The following HAT1 variants were observed in gnomAD, a reference collection of about 807,000 sequenced individuals.
The protein encoded by HAT1 is histone acetyltransferase 1.
HAT1 carries 20 observed loss-of-function variants against 56.6 expected under a neutral mutation model. The observed-to-expected ratio is 0.35, with a 90% CI of 0.25 to 0.51. HAT1 has a LOEUF of 0.51. HAT1 is among the 20% of genes least tolerant of loss of function. The pLI is 0.95. For missense variants in HAT1, 408 were observed against 504.3 expected (o/e 0.81, Z 1.83); for synonymous variants, 146 against 165.5 (o/e 0.88, Z 0.91).
intron 4 of HAT1, among the ~76,000 whole-genome samples, chr2:171,955,637 TAAAG>T (rs1687421031): frequency 6.6e-6 from 1 of 151,150 alleles, no homozygotes; most frequent in Non-Finnish European, 1.5e-5. Context: ...AATAAATAAA[TAAAG>T]GAAATAATGG....
At chr2:171,977,713 A>G (rs1688024787) in intron 9 of HAT1, among the ~76,000 whole-genome samples, 1 of 151,320 alleles carries the variant, frequency 6.6e-6, no homozygotes, top group Admixed American at 6.6e-5. Context: ...ACTTTGCCAC[A>G]TGCTCTGGCT....
Position 171,976,237 on chromosome 2 carries a change from C to A in HAT1, c.904C>A (p.Arg302=). 1 of 1,590,160 alleles carries A rather than the reference C, an allele frequency of 6.3e-7. No homozygotes were observed. The highest frequency in any genetic ancestry group is 1.2e-5 in the South Asian group (1 of 86,902). Residue 302 remains arginine, a synonymous_variant, in exon 9 of 11, where the codon CGG becomes AGG. Coordinates refer to ENST00000264108, the MANE Select transcript of HAT1 (RefSeq NM_003642.4). ...TTGTCAAGATTTGCCCTGTTTTTCC[C>A]GGGAAAAATTAATGCAAGGATTCAA... The part of the protein sequence containing the change: ...KLCQDLPCFS[R]EKLMQGFNED...
intron 9 of HAT1, among the ~76,000 whole-genome samples, chr2:171,977,676 G>A (rs997602156): frequency 6.7e-6 from 1 of 149,292 alleles, no homozygotes; most frequent in African/African-American, 2.5e-5. Flanking sequence ...GCTTCAGCCT[G>A]TTAGTACTTT....
intron 8 of HAT1, among the ~76,000 whole-genome samples, chr2:171,970,022 G>T (rs1191357222): frequency 6.6e-6 from 1 of 152,178 alleles, no homozygotes; most frequent in South Asian, 2.1e-4. Flanking sequence ...TGGATATGGT[G>T]TCACACACCT....
intron 2 of HAT1, among the ~76,000 whole-genome samples, chr2:171,930,950 A>T (rs1686731258): frequency 6.6e-6 from 1 of 151,704 alleles, no homozygotes; most frequent in South Asian, 2.1e-4. Flanking sequence ...ATTATTTCAG[A>T]TTTCCTGCAC....
In HAT1 at chr2:171,965,916, C is replaced by T; in HGVS notation, c.611+8C>T. 2 of 1,611,400 alleles carry T rather than the reference C, an allele frequency of 1.2e-6. No homozygotes were observed. Among genetic ancestry groups the T allele is most frequent in the Non-Finnish European group, 1.7e-6 (2 of 1,178,018 alleles). On this transcript the variant is annotated splice_region_variant and intron_variant, in intron 6 of 10. Coordinates refer to ENST00000264108, the MANE Select transcript of HAT1 (RefSeq NM_003642.4). Reference sequence around the variant, plus strand: ...ATGGCACTACTTTCTAGTGTAAGTACAGTTCTAAAGCAACAGTAGACCTTA... The same window carrying T: ...ATGGCACTACTTTCTAGTGTAAGTATAGTTCTAAAGCAACAGTAGACCTTA...
rs745928896 is a variant in HAT1, at chr2:171,965,811, C to G, written c.514C>G (p.Arg172Gly). ...GGCTGACATGACATGTAGAGGCTTT[C>G]GAGAATATCATGAAAGGCTTCAGAC... ...YKADMTCRGF[R>G]EYHERLQTFL... The change falls in exon 6 of 11, where the codon CGA (arginine) becomes GGA (glycine). Residue 172 changes from arginine (R) to glycine (G), a missense_variant. Physicochemically the swap from Arg to Gly is moderately radical, Grantham distance 125 (BLOSUM62 -2). Transcript: ENST00000264108. 15 of 1,612,988 alleles carry G rather than the reference C, an allele frequency of 9.3e-6. No homozygotes were observed. The highest frequency in any genetic ancestry group is 1.3e-5 in the Non-Finnish European group (15 of 1,179,308).
intron 4 of HAT1, among the ~76,000 whole-genome samples, chr2:171,953,497 A>G (rs1687362677): frequency 6.6e-6 from 1 of 151,504 alleles, no homozygotes. Context: ...TGGACAACAT[A>G]GTGAGACCCT....
At chr2:171,974,209 A>AG (rs1221965136) in intron 8 of HAT1, among the ~76,000 whole-genome samples, 1 of 66,014 alleles carries the variant, frequency 1.5e-5, no homozygotes, top group Non-Finnish European at 3.3e-5. Context: ...AAGAAAAAGA[A>AG]AAAAAAAAAA....
chr2:171,942,412 G>A (rs1232904910), intron 2 of HAT1, among the ~76,000 whole-genome samples: 1 of 151,898 alleles, frequency 6.6e-6, no homozygotes, highest in Non-Finnish European at 1.5e-5. Flanking sequence ...TTTTTATTAT[G>A]TATTCATTTC....
intron 4 of HAT1, 79 bp downstream of exon 4, chr2:171,953,080 C>A: frequency 1.1e-6 from 1 of 919,358 alleles, no homozygotes; most frequent in Non-Finnish European, 1.6e-6. Flanking sequence ...TGCGGTGGCT[C>A]ACACCTGTAA....
intron 3 of HAT1, among the ~76,000 whole-genome samples, chr2:171,948,609 C>T (rs1342124300): frequency 1.3e-5 from 2 of 152,198 alleles, no homozygotes; most frequent in African/African-American, 2.4e-5. Context: ...CAATTTTCTC[C>T]AATCCTGGAT....
intron 2 of HAT1, among the ~76,000 whole-genome samples, chr2:171,943,473 T>A (rs1231846616): frequency 6.7e-6 from 1 of 149,340 alleles, no homozygotes. Flanking sequence ...TCACTCTGCT[T>A]TTTCAAGTCT....
At chr2:171,934,762 T>TG (rs1042984533) in intron 2 of HAT1, among the ~76,000 whole-genome samples, 10 of 151,216 alleles carry the variant, frequency 6.6e-5, no homozygotes, top group Admixed American at 5.3e-4. Context: ...GGGTTTTTTT[T>TG]TTTTTTTTTT....
At chr2:171,939,091 C>T (rs1307172284) in intron 2 of HAT1, among the ~76,000 whole-genome samples, 1 of 152,110 alleles carries the variant, frequency 6.6e-6, no homozygotes, top group Non-Finnish European at 1.5e-5. Flanking sequence ...GCAGTTGACC[C>T]TATTCCAGCA....
intron 2 of HAT1, among the ~76,000 whole-genome samples, chr2:171,925,931 G>A (rs1686578076): frequency 6.6e-6 from 1 of 152,114 alleles, no homozygotes; most frequent in African/African-American, 2.4e-5. Flanking sequence ...TTTTTTGCCT[G>A]TAAGAATAAT....
At chr2:171,938,024 T>TTCTCTCTCTCTCTCTCTCTC (rs374402453) in intron 2 of HAT1, among the ~76,000 whole-genome samples, 53 of 104,838 alleles carry the variant, frequency 5.1e-4, no homozygotes, top group Admixed American at 5.7e-4. Context: ...TGTCTACTGA[T>TTCTCTCTCTCTCTCTCTCTC]TCTCTCTCTC....
intron 8 of HAT1, among the ~76,000 whole-genome samples, chr2:171,970,612 C>T (rs191585804): frequency 0.017 from 2,371 of 137,568 alleles, 70 homozygotes; most frequent in African/African-American, 0.059. Context: ...CTCCACCTCC[C>T]GGGTTCAAGC....
At chr2:171,944,506 G>A (rs1189927812) in intron 2 of HAT1, among the ~76,000 whole-genome samples, 3 of 152,144 alleles carry the variant, frequency 2.0e-5, no homozygotes, top group Non-Finnish European at 4.4e-5. Flanking sequence ...AACTGTGTGG[G>A]TCCACTTACA....
Sources: allele counts gnomAD v4.1 joint callset (sites outside exome capture counted in the v4.1 genomes callset), GRCh38; gene constraint gnomAD v4.1.1; transcripts MANE v1.5; gene names NCBI Gene and HGNC (gene_info 2026-07-23, HGNC 2026-07-21).